Variants in SLC30A8 observed in about 807,000 individuals in gnomAD.
SLC30A8 encodes proton-coupled zinc antiporter SLC30A8.
A neutral mutation model predicts 36.9 loss-of-function variants in SLC30A8; 27 were observed. The ratio of observed to expected loss-of-function variants is 0.73; its 90% confidence interval spans 0.54 to 1.01. The LOEUF (loss-of-function observed/expected upper bound fraction) is 1.01, where lower values mean the gene tolerates loss of function less well. Among genes scored for constraint, SLC30A8 ranks in the 50% least tolerant of loss-of-function variants. The pLI is 0.00. For synonymous variants in SLC30A8, 164 were observed against 172.4 expected, an observed-to-expected ratio of 0.95 and a Z score of 0.38; for missense variants, 439 against 452.0, an observed-to-expected ratio of 0.97 and a Z score of 0.26.
chr8:117,157,713 C>T lies in SLC30A8; in HGVS notation c.441C>T (p.Ser147=). Residue 147 remains serine, a synonymous_variant, in exon 4 of 8, where the codon TCC becomes TCT. Coordinates refer to ENST00000456015, the MANE Select transcript of SLC30A8 (RefSeq NM_173851.3). ...HRAEILGALL[S]ILCIWVVTGV... is the part of the protein sequence containing the mutation. ...TAGAGATCCTTGGTGCCCTGCTCTC[C>T]ATCCTGTGCATCTGGGTGGTGACTG... 2 of 1,614,024 alleles carry T rather than the reference C, an allele frequency of 1.2e-6. No homozygotes were observed. Among genetic ancestry groups the T allele is most frequent in the Admixed American group, 1.7e-5 (1 of 60,016 alleles).
At chr8:117,065,588 C>T (rs1818144405) in intron 2 of SLC30A8, among the ~76,000 whole-genome samples, 2 of 151,952 alleles carry the variant, frequency 1.3e-5, no homozygotes, top group Non-Finnish European at 2.9e-5. Flanking sequence ...TCTTCCCTAA[C>T]CCTAATTCTT....
intron 1 of SLC30A8, among the ~76,000 whole-genome samples, chr8:116,963,697 G>A (rs149359635): frequency 2.0e-4 from 30 of 152,134 alleles, no homozygotes; most frequent in African/African-American, 6.3e-4. Flanking sequence ...TTTGGCTATC[G>A]TGAATAGTGC....
At chr8:117,112,223 T>A (rs1820258911) in intron 2 of SLC30A8, among the ~76,000 whole-genome samples, 1 of 152,108 alleles carries the variant, frequency 6.6e-6, no homozygotes, top group African/African-American at 2.4e-5. Flanking sequence ...CATGCCAGAG[T>A]GTCTTGTGCT....
At position 117,153,028 on chromosome 8, in the gene SLC30A8, T is replaced by C; in HGVS notation, c.356T>C (p.Phe119Ser). ...CTGACCAGTTTCCTGCTCAGTCTCT[T>C]CTCCCTGTGGTTGTCATCGAAGCCT... Reference protein sequence around the residue: ...IDLTSFLLSLFSLWLSSKPPS... With the variant: ...IDLTSFLLSLSSLWLSSKPPS... Residue 119 changes from phenylalanine to serine, a missense_variant, in exon 3 of 8, where the codon TTC (phenylalanine) becomes TCC (serine). Transcript: ENST00000456015. 6.2e-7 allele frequency: 1 copy of C among 1,613,618 alleles called. No homozygotes were observed. Among genetic ancestry groups the C allele is most frequent in the African/African-American group, 1.3e-5 (1 of 75,008 alleles).
chr8:116,969,788 A>C (rs1414139173), intron 1 of SLC30A8, among the ~76,000 whole-genome samples: 1 of 152,186 alleles, frequency 6.6e-6, no homozygotes, highest in Non-Finnish European at 1.5e-5. Context: ...AAGATAAAAA[A>C]TGATATACCT....
chr8:116,976,242 CTT>C (rs78495363), intron 1 of SLC30A8, among the ~76,000 whole-genome samples: 110 of 117,800 alleles, frequency 9.3e-4, no homozygotes, highest in Non-Finnish European at 1.0e-3. Flanking sequence ...AGTTCTCTCT[CTT>C]TTTTTTTTTT....
intron 2 of SLC30A8, among the ~76,000 whole-genome samples, chr8:117,102,234 G>C (rs1819755938): frequency 6.6e-6 from 1 of 152,064 alleles, no homozygotes; most frequent in African/African-American, 2.4e-5. Context: ...CATAAGTTTA[G>C]TATTAGTGGT....
At chr8:116,955,900 A>G (rs1317650906) in intron 1 of SLC30A8, among the ~76,000 whole-genome samples, 1 of 152,112 alleles carries the variant, frequency 6.6e-6, no homozygotes, top group African/African-American at 2.4e-5. Flanking sequence ...TGTGAGAGAA[A>G]AAATTTCTCT....
chr8:117,176,312 G>A lies in SLC30A8; in HGVS notation c.*3631G>A, dbSNP rs969907229. ...TCCCCACCCAATGAAATATGATCCA[G>A]AGAGTCTTGCAAAGAGACAAGCCTC... is the stretch of plus-strand genomic sequence containing the variant. On this transcript the variant is annotated 3_prime_UTR_variant, in exon 8 of 8. Coordinates refer to ENST00000456015, the MANE Select transcript of SLC30A8 (RefSeq NM_173851.3). 1.3e-5 allele frequency: 2 copies of A among 152,444 alleles called. No homozygotes were observed. Among genetic ancestry groups the A allele is most frequent in the African/African-American group, 4.8e-5 (2 of 41,418 alleles). The allele number at this position is 152,444 out of a possible 1,614,324, so 9.4% of individuals were successfully genotyped here. A position where few individuals can be genotyped will look rare whatever the true frequency, so the allele number is the denominator to read the frequency against.
At chr8:117,126,545 C>CCCAT (rs57441824) in intron 2 of SLC30A8, among the ~76,000 whole-genome samples, 20,650 of 149,632 alleles carry the variant, frequency 0.14, 1,491 homozygotes, top group South Asian at 0.18. Context: ...CATCCACCAA[C>CCCAT]CCATCCATCC....
intron 2 of SLC30A8, among the ~76,000 whole-genome samples, chr8:117,073,994 A>T (rs1437592042): frequency 2.5e-5 from 3 of 122,418 alleles, no homozygotes; most frequent in Non-Finnish European, 4.8e-5. Flanking sequence ...CAGGAGAGTA[A>T]GTAGAAGGCA....
At chr8:117,150,502 G>A (rs899524865) in intron 2 of SLC30A8, among the ~76,000 whole-genome samples, 1 of 152,204 alleles carries the variant, frequency 6.6e-6, no homozygotes. Flanking sequence ...TGTTATAAGT[G>A]TACTGCTCTG....
intron 1 of SLC30A8, among the ~76,000 whole-genome samples, chr8:117,017,789 A>G (rs763859910): frequency 2.0e-5 from 3 of 152,238 alleles, no homozygotes; most frequent in Non-Finnish European, 2.9e-5. Flanking sequence ...GAAGATTCAG[A>G]AGAGATGAAT....
At chr8:117,024,516 C>T (rs536605839) in intron 1 of SLC30A8, among the ~76,000 whole-genome samples, 2 of 152,316 alleles carry the variant, frequency 1.3e-5, no homozygotes, top group South Asian at 4.1e-4. Flanking sequence ...CATTTGCCAC[C>T]ATGTGCTATA....
intron 2 of SLC30A8, among the ~76,000 whole-genome samples, chr8:117,096,938 C>T (rs1819390356): frequency 6.6e-6 from 1 of 152,154 alleles, no homozygotes; most frequent in East Asian, 1.9e-4. Flanking sequence ...GCCACTGGAG[C>T]TGGAGATGCC....
chr8:117,141,738 G>A (rs1716304321), intron 1 of SLC30A8, among the ~76,000 whole-genome samples: 1 of 152,132 alleles, frequency 6.6e-6, no homozygotes, highest in Non-Finnish European at 1.5e-5. Flanking sequence ...TACAAGATAA[G>A]GATGTCCACT....
intron 2 of SLC30A8, among the ~76,000 whole-genome samples, chr8:117,149,892 C>T (rs575375545): frequency 1.3e-5 from 2 of 152,320 alleles, no homozygotes; most frequent in South Asian, 4.2e-4. Context: ...GGGAAAACAG[C>T]CCTCCCATCA....
In SLC30A8 at chr8:117,171,017, C is replaced by G; in HGVS notation, c.830-17C>G. ...CTAGTTGAATAACTACAGCCTCCAT[C>G]TCTTCCCTTTTGTCAGGTGTGCCAA... On this transcript the variant is annotated splice_polypyrimidine_tract_variant and intron_variant, in intron 6 of 7. Coordinates refer to ENST00000456015, the MANE Select transcript of SLC30A8 (RefSeq NM_173851.3). 1.3e-6 allele frequency: 2 copies of G among 1,570,058 alleles called. No homozygotes were observed. The highest frequency in any genetic ancestry group is 1.7e-6 in the Non-Finnish European group (2 of 1,160,736).
intron 2 of SLC30A8, among the ~76,000 whole-genome samples, chr8:117,056,783 C>T (rs911541454): frequency 6.6e-6 from 1 of 152,270 alleles, no homozygotes; most frequent in East Asian, 1.9e-4. Flanking sequence ...AGATACTCTT[C>T]TCCCTGTTGG....
Sources: allele counts gnomAD v4.1 joint callset (sites outside exome capture counted in the v4.1 genomes callset), GRCh38; gene constraint gnomAD v4.1.1; transcripts MANE v1.5; gene names NCBI Gene and HGNC (gene_info 2026-07-23, HGNC 2026-07-21).